The following SP140 variants were observed in gnomAD, a reference collection of about 807,000 sequenced individuals.
The protein encoded by SP140 is nuclear body protein SP140.
A neutral mutation model predicts 125.0 loss-of-function variants in SP140; 81 were observed. The ratio of observed to expected loss-of-function variants is 0.65; its 90% CI spans 0.54 to 0.78. The LOEUF is 0.78. SP140 is among the 30% of genes least tolerant of loss of function. SP140 has a pLI of 0.00. For synonymous variants in SP140, 312 were observed against 354.0 expected (o/e 0.88, Z 1.33); for missense variants, 858 against 1,037.0 (o/e 0.83, Z 2.37).
At chr2:230,279,119 T>C (rs1040775549) in intron 15 of SP140, among the ~76,000 whole-genome samples, 5 of 151,672 alleles carry the variant, frequency 3.3e-5, no homozygotes, top group Admixed American at 6.6e-5. Flanking sequence ...TAACAAGAGG[T>C]GAAATATTTG....
At position 230,299,175 on chromosome 2, in the gene SP140, T is replaced by C. The variant is rs144085056; in HGVS notation, c.2058+1713T>C. ...TGCTCCAAGAACCACTGCAGGAATA[T>C]ACCAGCAAAACTGAAGGAAGTCACA... On this transcript the variant is annotated intron_variant, in intron 22 of 26. Coordinates refer to ENST00000392045, the MANE Select transcript of SP140 (RefSeq NM_007237.5). Among the ~76,000 whole-genome samples, 10 of 152,278 alleles carry C rather than the reference T, an allele frequency of 6.6e-5. No individual in the cohort carries two copies. The East Asian group carries it at 1.9e-3, about 29-fold the overall frequency.
At chr2:230,296,092 T>A (rs1412517757) in intron 21 of SP140, among the ~76,000 whole-genome samples, 1 of 149,772 alleles carries the variant, frequency 6.7e-6, no homozygotes, top group Non-Finnish European at 1.5e-5. Context: ...AAAAAAAAAA[T>A]TACCCAGACA....
At chr2:230,292,951 A>G (rs1317421063) in intron 20 of SP140, among the ~76,000 whole-genome samples, 163 bp downstream of exon 20, 3 of 152,212 alleles carry the variant, frequency 2.0e-5, no homozygotes, top group Non-Finnish European at 4.4e-5. Context: ...TAACCACACT[A>G]CAGTGCAACA....
intron 20 of SP140, 25 bp from the exon 21 acceptor site, chr2:230,294,246 A>T (rs763626113): frequency 1.9e-6 from 3 of 1,606,978 alleles, no homozygotes; most frequent in Non-Finnish European, 2.6e-6. Context: ...GGCTGACCAT[A>T]TACCTGAATC....
At chr2:230,295,308 C>T (rs760575529) in intron 21 of SP140, among the ~76,000 whole-genome samples, 2 of 152,310 alleles carry the variant, frequency 1.3e-5, no homozygotes, top group South Asian at 2.1e-4. Flanking sequence ...GAGATGCAGG[C>T]CTTTACATTA....
intron 1 of SP140, among the ~76,000 whole-genome samples, chr2:230,204,321 C>A (rs1339691814): frequency 6.6e-6 from 1 of 152,176 alleles, no homozygotes; most frequent in Non-Finnish European, 1.5e-5. Context: ...CATTCCCTGT[C>A]TCCCTAATCC....
At chr2:230,200,911 G>A, upstream of SP140, 1 of 1,613,726 alleles carries the variant, frequency 6.2e-7, no homozygotes, top group Non-Finnish European at 8.5e-7. Flanking sequence ...TGGTGTACTA[G>A]GCGTCTTCTG....
chr2:230,237,254 G>A lies in SP140; in HGVS notation c.231G>A (p.Met77Ile), dbSNP rs1559225466. 1 of 1,609,678 alleles carries A rather than the reference G, an allele frequency of 6.2e-7. No homozygotes were observed. The highest frequency in any genetic ancestry group is 8.5e-7 in the Non-Finnish European group (1 of 1,178,734). The change falls in exon 2 of 27, where the codon ATG becomes ATA. Residue 77 changes from methionine (M) to isoleucine (I), a missense_variant. By Grantham distance (10) the Met-to-Ile change is conservative. Around this residue, in one of 4 missense-constraint regions of SP140, gnomAD observed 791 missense variants for 869.5 expected, o/e 0.91. Transcript: ENST00000392045. This position sits in a 1 kb window ranked among gnomAD's most constrained non-coding sequence, Gnocchi z 5.4. Reference protein sequence around the residue: ...LRDRSFISEQMYEHFQEAFRN... With the variant: ...LRDRSFISEQIYEHFQEAFRN... ...ACCGCTCCTTCATCTCCGAGCAGATGTATGAAGTAAGTAAGAATTTCCAAA... is the reference window on the plus strand; with the variant it reads ...ACCGCTCCTTCATCTCCGAGCAGATATATGAAGTAAGTAAGAATTTCCAAA...
intron 9 of SP140, 94 bp downstream of exon 9, chr2:230,249,062 C>A: frequency 1.1e-6 from 1 of 897,068 alleles, no homozygotes; most frequent in Non-Finnish European, 1.8e-6. Context: ...CCTACCCTTC[C>A]CTTCTTCACA....
upstream of SP140, chr2:230,225,707 A>G (rs1036181069): frequency 3.0e-5 from 22 of 735,482 alleles, no homozygotes; most frequent in African/African-American, 2.4e-4. Flanking sequence ...TGGTGCACCC[A>G]CGTCAGCTAG....
chr2:230,292,967 A>T (rs759868447), intron 20 of SP140, among the ~76,000 whole-genome samples, 179 bp downstream of exon 20: 1 of 152,218 alleles, frequency 6.6e-6, no homozygotes, highest in Non-Finnish European at 1.5e-5. Flanking sequence ...CAACACATTG[A>T]CGTTGTACCA....
intron 1 of SP140, among the ~76,000 whole-genome samples, chr2:230,234,281 C>A (rs1228489055): frequency 6.6e-6 from 1 of 152,198 alleles, no homozygotes; most frequent in African/African-American, 2.4e-5. Context: ...AAATGACAGT[C>A]ACTGTGGTAG....
At chr2:230,222,878 G>A (rs1010898219), upstream of SP140, among the ~76,000 whole-genome samples, 8 of 146,174 alleles carry the variant, frequency 5.5e-5, no homozygotes, top group Non-Finnish European at 9.0e-5. Flanking sequence ...AAGGCACATG[G>A]AATGCATTTT....
chr2:230,233,326 A>G (rs991733078), intron 1 of SP140, among the ~76,000 whole-genome samples: 3 of 152,122 alleles, frequency 2.0e-5, no homozygotes, highest in African/African-American at 7.2e-5. Context: ...AATTTAAAAA[A>G]CTTTACCAAG....
chr2:230,256,451 CT>C (rs2051219822), intron 12 of SP140, among the ~76,000 whole-genome samples: 1 of 146,148 alleles, frequency 6.8e-6, no homozygotes, highest in Admixed American at 7.1e-5. Context: ...CATGTTCTCA[CT>C]CATAGGTGGG....
Position 230,248,971 on chromosome 2 carries a change from A to C in SP140, c.976+3A>C. 6.2e-7 allele frequency: 1 copy of C among 1,602,962 alleles called. No individual in the cohort carries two copies. The highest frequency in any genetic ancestry group is 2.2e-5 in the East Asian group (1 of 44,840). ...TCTACTACCAGGTGAAGGAGAAGGT[A>C]ATTATGATTTAAGTTTTTAAATATT... On this transcript the variant is annotated splice_donor_region_variant and intron_variant, in intron 9 of 26. Transcript: ENST00000392045.
At chr2:230,246,065 TCATCCATCCATCCATATATC>T in intron 7 of SP140, 125 bp downstream of exon 7, 2 of 642,616 alleles carry the variant, frequency 3.1e-6, no homozygotes, top group Non-Finnish European at 5.7e-6. Flanking sequence ...ATCCATCCAT[TCATCCATCCATCCATATATC>T]CATCCATCCA....
upstream of SP140, among the ~76,000 whole-genome samples, chr2:230,222,489 C>T (rs2045901951): frequency 1.3e-5 from 2 of 152,134 alleles, no homozygotes; most frequent in African/African-American, 4.8e-5. Context: ...GAGGTCAAAG[C>T]AGGAGGATCG....
intron 1 of SP140, among the ~76,000 whole-genome samples, chr2:230,209,210 G>A (rs185680254): frequency 1.2e-4 from 19 of 152,260 alleles, no homozygotes; most frequent in African/African-American, 4.3e-4. Context: ...TTTGAATGAC[G>A]ATAGGGTCTA....
Sources: gnomAD v4.1 joint callset for allele counts (sites outside exome capture counted in the v4.1 genomes callset) on GRCh38, gnomAD v4.1.1 for gene constraint, gnomAD v4.1.1 regional missense constraint, Gnocchi (gnomAD v3.1) non-coding constraint, MANE v1.5 for transcripts, NCBI Gene and HGNC (gene_info 2026-07-23, HGNC 2026-07-21) for gene names.